The following SLC25A21 variants were observed in gnomAD, a reference collection of about 807,000 sequenced individuals.
SLC25A21 encodes the protein mitochondrial 2-oxodicarboxylate carrier.
A neutral mutation model predicts 43.8 loss-of-function variants in SLC25A21; 47 were observed. The observed-to-expected ratio is 1.07, with a 90% CI of 0.85 to 1.37. The LOEUF is 1.37. Ranked by LOEUF, SLC25A21 falls within the 40% of genes most tolerant of loss-of-function variation. SLC25A21 has a pLI of 0.00. For synonymous variants in SLC25A21, 131 were observed against 121.3 expected, an observed-to-expected ratio of 1.08 and a Z score of -0.52; for missense variants, 352 against 350.2, an observed-to-expected ratio of 1.00 and a Z score of -0.04.
At chr14:36,930,497 A>G (rs1456132208) in intron 1 of SLC25A21, among the ~76,000 whole-genome samples, 2 of 152,020 alleles carry the variant, frequency 1.3e-5, no homozygotes, top group Non-Finnish European at 2.9e-5. Flanking sequence ...AATTCTAGCC[A>G]TTCCTCTTCA....
intron 3 of SLC25A21, among the ~76,000 whole-genome samples, chr14:36,751,806 T>C (rs1044729410): frequency 6.6e-6 from 1 of 152,250 alleles, no homozygotes; most frequent in Non-Finnish European, 1.5e-5. Flanking sequence ...GTGGATAGTT[T>C]GTCCATGAGG....
chr14:37,129,620 T>C (rs1042077693), intron 1 of SLC25A21, among the ~76,000 whole-genome samples: 3 of 151,710 alleles, frequency 2.0e-5, no homozygotes, highest in Admixed American at 6.6e-5. Flanking sequence ...TATTCTCTCA[T>C]TGAGATATAT....
intron 1 of SLC25A21, among the ~76,000 whole-genome samples, chr14:37,171,280 A>T (rs1328439233): frequency 6.6e-6 from 1 of 152,196 alleles, no homozygotes. Context: ...CTGAGATGCA[A>T]GTAGATCATG....
chr14:36,694,488 T>C (rs1882932207), intron 7 of SLC25A21, among the ~76,000 whole-genome samples: 1 of 152,148 alleles, frequency 6.6e-6, no homozygotes, highest in East Asian at 1.9e-4. Flanking sequence ...GAATCGCCAC[T>C]GTCTTCCACA....
At chr14:37,138,071 T>C (rs890887408) in intron 1 of SLC25A21, among the ~76,000 whole-genome samples, 4 of 152,160 alleles carry the variant, frequency 2.6e-5, no homozygotes, top group African/African-American at 9.7e-5. Context: ...CATATTCCAC[T>C]TGCTTCTCTC....
At chr14:36,866,440 C>T (rs942676523) in intron 2 of SLC25A21, among the ~76,000 whole-genome samples, 2 of 152,178 alleles carry the variant, frequency 1.3e-5, no homozygotes, top group African/African-American at 4.8e-5. Context: ...GGGCCATTTC[C>T]TTTCCTGGGA....
In SLC25A21 at chr14:36,680,367, T is replaced by TTTCTA; in HGVS notation, c.*286_*290dup. ...TTGAAGAGGAACACAGGAGACAAAG[T>TTTCTA]TTCTATTTATTTTATGAAATAAATA... On this transcript the variant is annotated 3_prime_UTR_variant, in exon 10 of 10. Transcript: ENST00000331299. The TTTCTA allele has an allele frequency of 1.1e-5, 11 of 1,037,842 alleles. No homozygotes were observed. Among genetic ancestry groups the TTTCTA allele is most frequent in the Non-Finnish European group, 1.3e-5 (11 of 862,436 alleles). 64.3% of individuals were successfully genotyped at this position (1,037,842 alleles called of 1,614,324 possible).
At chr14:37,123,744 G>A (rs1192232684) in intron 1 of SLC25A21, among the ~76,000 whole-genome samples, 1 of 152,156 alleles carries the variant, frequency 6.6e-6, no homozygotes, top group Non-Finnish European at 1.5e-5. Context: ...AGGAGGGGCA[G>A]GCATGGTGGC....
intron 3 of SLC25A21, among the ~76,000 whole-genome samples, chr14:36,777,657 C>T (rs1355150701): frequency 6.6e-6 from 1 of 152,130 alleles, no homozygotes; most frequent in African/African-American, 2.4e-5. Flanking sequence ...AGAAGTCACC[C>T]AAAGCAGGAG....
intron 2 of SLC25A21, among the ~76,000 whole-genome samples, chr14:36,861,618 T>C (rs1322221844): frequency 6.6e-6 from 1 of 152,244 alleles, no homozygotes; most frequent in Non-Finnish European, 1.5e-5. Context: ...CAGAGGCAGC[T>C]AAGGAGCAAA....
intron 2 of SLC25A21, among the ~76,000 whole-genome samples, chr14:36,863,922 T>G (rs1399165844): frequency 1.3e-5 from 2 of 152,198 alleles, no homozygotes; most frequent in African/African-American, 2.4e-5. Flanking sequence ...CTTTCTACTG[T>G]GGACTCTTCT....
At chr14:36,910,593 G>A (rs1891661898) in intron 1 of SLC25A21, among the ~76,000 whole-genome samples, 1 of 152,148 alleles carries the variant, frequency 6.6e-6, no homozygotes, top group Non-Finnish European at 1.5e-5. Flanking sequence ...AGAAGTTGAT[G>A]TGAAATGAAG....
chr14:36,775,234 A>G (rs1886780226), intron 3 of SLC25A21, among the ~76,000 whole-genome samples: 1 of 152,210 alleles, frequency 6.6e-6, no homozygotes, highest in Non-Finnish European at 1.5e-5. Flanking sequence ...CTTGCCACTC[A>G]GGAAATCAAT....
chr14:36,815,917 T>G (rs1329330028), intron 2 of SLC25A21, among the ~76,000 whole-genome samples: 1 of 152,200 alleles, frequency 6.6e-6, no homozygotes, highest in African/African-American at 2.4e-5. Flanking sequence ...TCAAAACACT[T>G]CTGATATTAT....
At position 36,814,019 on chromosome 14, in the gene SLC25A21, C is replaced by A; in HGVS notation, c.120-18G>T. On this transcript the variant is annotated intron_variant, in intron 2 of 9. Coordinates refer to ENST00000331299, the MANE Select transcript of SLC25A21 (RefSeq NM_030631.4). ...TCTGAAACCTAGAAGCAAAATCAAACCAAAAATTCTAAGTTAAAGATTTTG... is the reference window on the plus strand; with the variant it reads ...TCTGAAACCTAGAAGCAAAATCAAAACAAAAATTCTAAGTTAAAGATTTTG... 1 of 1,575,816 alleles carries A rather than the reference C, an allele frequency of 6.3e-7. No individual in the cohort carries two copies. The highest frequency in any genetic ancestry group is 8.6e-7 in the Non-Finnish European group (1 of 1,160,078).
intron 1 of SLC25A21, among the ~76,000 whole-genome samples, chr14:36,881,852 G>A (rs1200316492): frequency 1.3e-5 from 2 of 152,162 alleles, no homozygotes; most frequent in Non-Finnish European, 2.9e-5. Flanking sequence ...GACAAGCCGG[G>A]TGACCCAAAG....
chr14:36,889,179 G>A (rs1891009523), intron 1 of SLC25A21, among the ~76,000 whole-genome samples: 1 of 152,132 alleles, frequency 6.6e-6, no homozygotes, highest in South Asian at 2.1e-4. Flanking sequence ...GCTTGTGGGG[G>A]AAAAGAGGGA....
chr14:37,036,272 C>G (rs532007699), intron 1 of SLC25A21, among the ~76,000 whole-genome samples: 126 of 152,250 alleles, frequency 8.3e-4, no homozygotes, highest in Non-Finnish European at 1.5e-3. Context: ...CAAAAAGTAG[C>G]TGCAGATCAA....
intron 1 of SLC25A21, among the ~76,000 whole-genome samples, chr14:37,132,229 T>C (rs1189354326): frequency 6.6e-6 from 1 of 152,164 alleles, no homozygotes; most frequent in Non-Finnish European, 1.5e-5. Flanking sequence ...AAGGTCCCAC[T>C]TTCAAACATT....
Sources: gnomAD v4.1 joint callset for allele counts (sites outside exome capture counted in the v4.1 genomes callset) on GRCh38, gnomAD v4.1.1 for gene constraint, MANE v1.5 for transcripts, NCBI Gene and HGNC (gene_info 2026-07-23, HGNC 2026-07-21) for gene names.